The following CHODL variants were observed in gnomAD, a reference collection of about 807,000 sequenced individuals.
CHODL encodes the protein chondrolectin.
CHODL carries 29 observed loss-of-function variants against 34.5 expected under a neutral mutation model. That is an observed-to-expected ratio of 0.84 (90% confidence interval 0.63 to 1.15). CHODL has a LOEUF of 1.15. CHODL is among the 50% of genes most tolerant of loss of function. The pLI is 0.00. For missense variants in CHODL, 332 were observed against 332.5 expected, an observed-to-expected ratio of 1.00 and a Z score of 0.01; for synonymous variants, 125 against 116.1, an observed-to-expected ratio of 1.08 and a Z score of -0.49.
chr21:18,236,425 T>G (rs2074029454), intron 2 of CHODL, among the ~76,000 whole-genome samples: 1 of 152,146 alleles, frequency 6.6e-6, no homozygotes, highest in Non-Finnish European at 1.5e-5. Context: ...TTTTTGTAGC[T>G]TTTGAGCATT....
At chr21:18,070,057 G>A (rs894817752) in intron 2 of CHODL, among the ~76,000 whole-genome samples, 2 of 99,328 alleles carry the variant, frequency 2.0e-5, no homozygotes, top group African/African-American at 8.5e-5. Context: ...TTGCTTTCCT[G>A]TTTGTTCTTT....
At chr21:18,108,101 C>G (rs2065296267) in intron 2 of CHODL, among the ~76,000 whole-genome samples, 2 of 151,354 alleles carry the variant, frequency 1.3e-5, no homozygotes, top group South Asian at 2.1e-4. Context: ...CAATCTTGTT[C>G]TTGACCAAGA....
At chr21:18,129,880 C>T (rs1345936068) in intron 2 of CHODL, among the ~76,000 whole-genome samples, 1 of 131,344 alleles carries the variant, frequency 7.6e-6, no homozygotes, top group Non-Finnish European at 1.6e-5. Flanking sequence ...TATTCTCTCT[C>T]TCTGTCTTTC....
At chr21:18,072,195 CTAT>C (rs2064813953) in intron 2 of CHODL, among the ~76,000 whole-genome samples, 1 of 141,002 alleles carries the variant, frequency 7.1e-6, no homozygotes, top group Non-Finnish European at 1.5e-5. Flanking sequence ...AATTCTAAAA[CTAT>C]TAATAGTAAT....
chr21:18,055,815 A>C (rs2824620), intron 2 of CHODL, among the ~76,000 whole-genome samples: 53,483 of 151,952 alleles, frequency 0.35, 10,982 homozygotes, highest in Non-Finnish European at 0.48. Context: ...TAGAAATTTT[A>C]TAGAATATGT....
chr21:17,999,685 C>A (rs1021998212), intron 1 of CHODL, among the ~76,000 whole-genome samples: 1 of 152,162 alleles, frequency 6.6e-6, no homozygotes, highest in Non-Finnish European at 1.5e-5. Flanking sequence ...TTCACTATCA[C>A]GAGAATAGCA....
intron 1 of CHODL, among the ~76,000 whole-genome samples, chr21:17,946,977 T>C (rs1472228489): frequency 6.6e-6 from 1 of 152,192 alleles, no homozygotes; most frequent in Non-Finnish European, 1.5e-5. Context: ...TTATTTTCTC[T>C]AGTAGTATGT....
chr21:18,180,999 C>A (rs966274509), intron 2 of CHODL, among the ~76,000 whole-genome samples: 2 of 152,098 alleles, frequency 1.3e-5, no homozygotes, highest in African/African-American at 2.4e-5. Flanking sequence ...AAATTATAAT[C>A]AATAGCAACA....
chr21:18,043,632 A>G (rs2064404090), intron 2 of CHODL, among the ~76,000 whole-genome samples: 1 of 151,922 alleles, frequency 6.6e-6, no homozygotes, highest in South Asian at 2.1e-4. Flanking sequence ...AAACACTTCT[A>G]TTCTTTCATA....
intron 2 of CHODL, chr21:18,134,317 G>T (rs1468337115): frequency 1.9e-6 from 1 of 517,144 alleles, no homozygotes; most frequent in South Asian, 1.4e-5. Flanking sequence ...TCTCTCTGAT[G>T]CTATTGATAA....
intron 2 of CHODL, among the ~76,000 whole-genome samples, chr21:18,028,284 T>TTCCC (rs2064205215): frequency 1.6e-5 from 2 of 124,166 alleles, no homozygotes; most frequent in Non-Finnish European, 3.3e-5. Flanking sequence ...TTCCCCTTCC[T>TTCCC]TCCTTCCTTC....
At chr21:18,113,961 T>C (rs1172219050) in intron 2 of CHODL, among the ~76,000 whole-genome samples, 1 of 152,100 alleles carries the variant, frequency 6.6e-6, no homozygotes, top group African/African-American at 2.4e-5. Context: ...TGTTCAGCCA[T>C]GAAAAGAATG....
chr21:17,984,795 G>A (rs1041163592), intron 1 of CHODL, among the ~76,000 whole-genome samples: 8 of 151,968 alleles, frequency 5.3e-5, no homozygotes, highest in Non-Finnish European at 5.9e-5. Flanking sequence ...GCCTAAGATT[G>A]GAGGTTTGAA....
rs1568919302 is a variant in CHODL at position 18,166,580 on chromosome 21, GGGGTTTGAGAT to G, written c.-44-89927_-44-89917del. On this transcript the variant is annotated intron_variant, in intron 2 of 6. Coordinates refer to the CHODL transcript ENST00000400127. ...TTTCTCCATTAAACAATGCTAATTC[GGGGTTTGAGAT>G]GTATGTGAGTACGTCTGTCTGATAT... Among the ~76,000 whole-genome samples, 3 of 152,146 alleles carry G rather than the reference GGGGTTTGAGAT, an allele frequency of 2.0e-5. No homozygotes were observed. In the South Asian group the frequency reaches 6.2e-4, roughly 32 times the overall value.
At chr21:18,225,494 T>C (rs980367289) in intron 2 of CHODL, among the ~76,000 whole-genome samples, 1 of 152,162 alleles carries the variant, frequency 6.6e-6, no homozygotes, top group African/African-American at 2.4e-5. Context: ...TGGAGACATA[T>C]CCACCTTTTA....
chr21:18,136,363 G>A (rs2072728282), intron 2 of CHODL, among the ~76,000 whole-genome samples: 1 of 151,772 alleles, frequency 6.6e-6, no homozygotes, highest in Non-Finnish European at 1.5e-5. Context: ...CAAAATCATT[G>A]AGCACCACGA....
intron 2 of CHODL, among the ~76,000 whole-genome samples, chr21:18,083,154 C>G (rs1568876608): frequency 6.6e-6 from 1 of 152,176 alleles, no homozygotes; most frequent in Non-Finnish European, 1.5e-5. Flanking sequence ...GGACATGGCA[C>G]CCTGTATCCA....
At chr21:18,082,787 T>C (rs888096606) in intron 2 of CHODL, among the ~76,000 whole-genome samples, 2 of 152,132 alleles carry the variant, frequency 1.3e-5, no homozygotes, top group African/African-American at 4.8e-5. Flanking sequence ...GCATTCAAGA[T>C]GTGGCCTGGC....
chr21:18,262,420 G>C (rs1179926649), intron 4 of CHODL, among the ~76,000 whole-genome samples: 1 of 152,108 alleles, frequency 6.6e-6, no homozygotes, highest in Non-Finnish European at 1.5e-5. Context: ...ACAAACCCCT[G>C]CACCATGTTA....
Sources: allele counts gnomAD v4.1 joint callset (sites outside exome capture counted in the v4.1 genomes callset), GRCh38; gene constraint gnomAD v4.1.1; transcripts MANE v1.5; gene names NCBI Gene and HGNC (gene_info 2026-07-23, HGNC 2026-07-21).